Variants in COL5A3 observed in about 807,000 individuals in gnomAD.
COL5A3 encodes collagen type V alpha 3 chain.
COL5A3 carries 172 observed loss-of-function variants against 250.0 expected under a neutral mutation model. That is an observed-to-expected ratio of 0.69 (90% CI 0.61 to 0.78). COL5A3 has a LOEUF of 0.78. COL5A3 is among the 30% of genes least tolerant of loss of function. The probability of loss-of-function intolerance (pLI) is 0.00; values close to 1 mark genes in which losing one functional copy is unlikely to be tolerated. For missense variants in COL5A3, 2,340 were observed against 2,334.4 expected (o/e 1.00, Z -0.05); for synonymous variants, 937 against 900.4 (o/e 1.04, Z -0.73).
chr19:9,973,954 C>T lies in COL5A3; in HGVS notation c.3523G>A (p.Gly1175Ser). Residue 1175 changes from glycine (G) to serine (S), a missense_variant, in exon 48 of 67, where the codon GGT becomes AGT. By Grantham distance (56) the Gly-to-Ser change is moderately conservative. Around this residue, in one of 3 missense-constraint regions of COL5A3, gnomAD observed 1,179 missense variants for 1,162.6 expected, o/e 1.01. Transcript: ENST00000264828. ...GTGGGGCCTTGGGGACCCCGAGGACCTGGAGCTCCATGGGGACCCTGTGGA... is the reference window on the plus strand; with the variant it reads ...GTGGGGCCTTGGGGACCCCGAGGACTTGGAGCTCCATGGGGACCCTGTGGA... ...VGSMGPHGAP[G>S]PRGPQGPTGS... 1 of 1,546,378 alleles carries T rather than the reference C, an allele frequency of 6.5e-7. No individual in the cohort carries two copies. Among genetic ancestry groups the T allele is most frequent in the Non-Finnish European group, 8.7e-7 (1 of 1,146,284 alleles).
intron 64 of COL5A3, among the ~76,000 whole-genome samples, chr19:9,964,715 A>T (rs774953637): frequency 6.6e-6 from 1 of 151,896 alleles, no homozygotes; most frequent in Non-Finnish European, 1.5e-5. Flanking sequence ...CACTACATGT[A>T]GTCAGGGTTT....
At chr19:9,985,249 C>A (rs928165630) in intron 31 of COL5A3, among the ~76,000 whole-genome samples, 2 of 147,974 alleles carry the variant, frequency 1.4e-5, no homozygotes, top group African/African-American at 5.1e-5. Flanking sequence ...CTGCCCCCGG[C>A]CACATCTGGC....
At chr19:9,993,857 T>A in intron 16 of COL5A3, 51 bp from the exon 17 acceptor site, 1 of 1,516,938 alleles carries the variant, frequency 6.6e-7, no homozygotes. Context: ...CCTGTACCCC[T>A]CCACCAAATT....
chr19:9,989,079 A>T lies in COL5A3; in HGVS notation c.2145+45T>A, dbSNP rs753812700. ...TGATGGAGCTGCATCGCATGCCTGAACCCAAAGCTGGTAAATCACTCATAC... is the reference window on the plus strand; with the variant it reads ...TGATGGAGCTGCATCGCATGCCTGATCCCAAAGCTGGTAAATCACTCATAC... On this transcript the variant is annotated intron_variant, in intron 27 of 66. Coordinates refer to ENST00000264828, the MANE Select transcript of COL5A3 (RefSeq NM_015719.4). 3 of 1,600,810 alleles carry T rather than the reference A, an allele frequency of 1.9e-6. No homozygotes were observed. In the African/African-American group the frequency reaches 4.0e-5, roughly 21 times the overall value.
Position 9,971,255 on chromosome 19 carries a change from G to A in COL5A3, c.3778C>T (p.Pro1260Ser), listed in dbSNP as rs1293339860. The stretch of plus-strand genomic sequence containing the variant: ...CCTAGATCTCCGGGCAGCCCCGTGG[G>A]GCCCTGGAACACAGAATGATTAATA... ...GEDGAKGSVG[P>S]TGLPGDLGPP... is the part of the protein sequence containing the mutation. Residue 1260 changes from proline (P) to serine (S), a missense_variant, in exon 52 of 67, where the codon CCC becomes TCC. By Grantham distance (74) the Pro-to-Ser change is moderately conservative. This residue lies in a region of COL5A3 where 1,179 missense variants were observed against 1,162.6 expected (regional missense o/e 1.01). Coordinates refer to ENST00000264828, the MANE Select transcript of COL5A3 (RefSeq NM_015719.4). 6.4e-6 allele frequency: 10 copies of A among 1,564,630 alleles called. No homozygotes were observed. The East Asian group carries it at 2.4e-4, about 37-fold the overall frequency.
chr19:9,984,408 A>G (rs903026640), intron 31 of COL5A3, among the ~76,000 whole-genome samples: 1 of 152,228 alleles, frequency 6.6e-6, no homozygotes, highest in Non-Finnish European at 1.5e-5. Flanking sequence ...CAGAAAAATG[A>G]ATCTCATCAG....
chr19:9,960,603 C>T lies in COL5A3; in HGVS notation c.5092-46G>A, dbSNP rs141101848. Reference sequence around the variant, plus strand: ...GACGGTGAGTTACCGGGAAGGTGGCCGACATCTTGCCTCCCCTCTCTAGCT... The same window carrying T: ...GACGGTGAGTTACCGGGAAGGTGGCTGACATCTTGCCTCCCCTCTCTAGCT... On this transcript the variant is annotated intron_variant, in intron 66 of 66. Transcript: ENST00000264828. 3,397 of 1,613,440 alleles carry T rather than the reference C, an allele frequency of 2.1e-3. 5 individuals carry two copies. Among genetic ancestry groups the T allele is most frequent in the African/African-American group, 3.4e-3 (254 of 74,992 alleles).
intron 31 of COL5A3, 98 bp downstream of exon 31, chr19:9,985,744 T>C (rs1046805964): frequency 1.8e-6 from 2 of 1,082,090 alleles, no homozygotes; most frequent in Non-Finnish European, 2.8e-6. Flanking sequence ...ACCCTTGGGG[T>C]GGGCAGCTCA....
Position 9,993,762 on chromosome 19 carries a change from A to C in COL5A3, c.1632T>G (p.Thr544=), listed in dbSNP as rs764944825. The C allele has an allele frequency of 1.9e-6, 3 of 1,614,156 alleles. No individual in the cohort carries two copies. In the East Asian group the frequency reaches 6.7e-5, roughly 36 times the overall value. The change falls in exon 17 of 67, where the codon ACT becomes ACG. Residue 544 remains threonine, a synonymous_variant. Transcript: ENST00000264828. The part of the protein sequence containing the change: ...ADGARGLPGD[T]GPKGDRGFDG... ...AGCCCCCATCACCTACCTTAGGTCC[A>C]GTGTCCCCTGGGAGGCCCCGAGCTC...
chr19:9,998,462 C>T (rs1193818366), intron 8 of COL5A3, among the ~76,000 whole-genome samples: 2 of 152,132 alleles, frequency 1.3e-5, no homozygotes, highest in Non-Finnish European at 2.9e-5. Flanking sequence ...CCCCTATGGC[C>T]ACTTACAGGT....
intron 4 of COL5A3, among the ~76,000 whole-genome samples, chr19:10,004,864 A>G (rs1286446184): frequency 6.6e-6 from 1 of 152,104 alleles, no homozygotes. Context: ...ACACACTATC[A>G]CAGCAACCAG....
chr19:9,966,596 C>T lies in COL5A3; in HGVS notation c.4609G>A (p.Ala1537Thr), dbSNP rs956509114. 6.5e-6 allele frequency: 10 copies of T among 1,540,698 alleles called. No individual in the cohort carries two copies. Among genetic ancestry groups the T allele is most frequent in the Middle Eastern group, 2.1e-4 (1 of 4,784 alleles). ...TGGCACACGAGGCCCGGGCGCTCCG[C>T]AGTGCCGGGAGGACGCCGCAGCTGC... ...LEQLRRPPGT[A>T]ERPGLVCHEL... Residue 1537 changes from alanine to threonine, a missense_variant, in exon 63 of 67, where the codon GCG becomes ACG. Coordinates refer to ENST00000264828, the MANE Select transcript of COL5A3 (RefSeq NM_015719.4).
At chr19:9,978,262 G>A (rs1403341891) in intron 41 of COL5A3, among the ~76,000 whole-genome samples, 7 of 151,730 alleles carry the variant, frequency 4.6e-5, no homozygotes, top group African/African-American at 9.7e-5. Context: ...GGAATACAAC[G>A]GCCCAGCCAG....
chr19:9,999,160 C>A (rs574819993), intron 8 of COL5A3, among the ~76,000 whole-genome samples: 1 of 140,844 alleles, frequency 7.1e-6, no homozygotes, highest in South Asian at 2.2e-4. Flanking sequence ...TCCTTCCTTC[C>A]TTCCTTCCTT....
rs139738587 is a variant in COL5A3, at chr19:9,989,164, G to A, written c.2105C>T (p.Ser702Leu). Reference sequence around the variant, plus strand: ...TCCAGGATAGCCCGGAGGGCCTGCCGACCCTGGTGGACCCTGGGAGGAAAA... The same window carrying A: ...TCCAGGATAGCCCGGAGGGCCTGCCAACCCTGGTGGACCCTGGGAGGAAAA... ...GEKGAQGPPG[S>L]AGPPGYPGPR... The change falls in exon 27 of 67, where the codon TCG becomes TTG. Residue 702 changes from serine (S) to leucine (L), a missense_variant. By Grantham distance (145) the Ser-to-Leu change is moderately radical. This residue lies in a region of COL5A3 where 1,152 missense variants were observed against 1,146.3 expected (regional missense o/e 1.00). Transcript: ENST00000264828. The A allele has an allele frequency of 4.9e-5, 79 of 1,614,064 alleles. No homozygotes were observed. The highest frequency in any genetic ancestry group is 6.0e-5 in the Non-Finnish European group (71 of 1,180,024).
At chr19:9,993,477 C>A (rs1974813) in intron 18 of COL5A3, 44 bp from the exon 19 acceptor site, 4 of 1,608,108 alleles carry the variant, frequency 2.5e-6, no homozygotes, top group South Asian at 1.1e-5. Context: ...AGGGTGTGGG[C>A]GGAGAGACCA....
chr19:9,989,970 T>G (rs2087162011), intron 24 of COL5A3, among the ~76,000 whole-genome samples: 3 of 151,616 alleles, frequency 2.0e-5, no homozygotes, highest in Admixed American at 2.0e-4. Flanking sequence ...CAGGCTGGTC[T>G]CAAACTCCTG....
Position 9,978,607 on chromosome 19 carries a change from A to G in COL5A3, c.2985T>C (p.Gly995=). The G allele has an allele frequency of 6.3e-7, 1 of 1,576,742 alleles. No individual in the cohort carries two copies. The highest frequency in any genetic ancestry group is 8.6e-7 in the Non-Finnish European group (1 of 1,163,448). ...PGDPGPTGLK[G]DKGPPGPVGA... ...CCACGGGCCCTGGGGGGCCCTTATCACCCTTTAAGCCAGTAGGTCCCTGAA... is the reference window on the plus strand; with the variant it reads ...CCACGGGCCCTGGGGGGCCCTTATCGCCCTTTAAGCCAGTAGGTCCCTGAA... The change falls in exon 41 of 67, where the codon GGT becomes GGC. Residue 995 remains glycine (G), a synonymous_variant. Transcript: ENST00000264828.
At chr19:9,969,157 G>C (rs977347815) in intron 57 of COL5A3, among the ~76,000 whole-genome samples, 192 bp downstream of exon 57, 14 of 141,954 alleles carry the variant, frequency 9.9e-5, no homozygotes, top group African/African-American at 3.7e-4. Context: ...TGTTAGAGCA[G>C]AGGGTTATAG....
Sources: allele counts gnomAD v4.1 joint callset (sites outside exome capture counted in the v4.1 genomes callset), GRCh38; gene constraint gnomAD v4.1.1; regional missense constraint gnomAD v4.1.1; transcripts MANE v1.5; gene names NCBI Gene and HGNC (gene_info 2026-07-23, HGNC 2026-07-21).